The following DCC variants were observed in gnomAD, a reference collection of about 807,000 sequenced individuals.
DCC encodes netrin receptor DCC.
DCC carries 58 observed loss-of-function variants against 172.5 expected under a neutral mutation model. The ratio of observed to expected loss-of-function variants is 0.34; its 90% CI spans 0.27 to 0.42. DCC has a LOEUF of 0.42. Ranked by LOEUF, DCC falls within the 10% of genes least tolerant of loss-of-function variation. The pLI is 1.00. For missense variants in DCC, 1,740 were observed against 1,791.0 expected, an observed-to-expected ratio of 0.97 and a Z score of 0.51; for synonymous variants, 709 against 644.5, an observed-to-expected ratio of 1.10 and a Z score of -1.52.
At position 52,366,365 on chromosome 18, in the gene DCC, G is replaced by C. The variant is rs142667150; in HGVS notation, c.91+25487G>C. Among the ~76,000 whole-genome samples the C allele has an allele frequency of 1.3e-3, 205 of 152,218 alleles. 4 individuals are homozygous for C. The highest frequency in any genetic ancestry group is 0.013 in the East Asian group (69 of 5,164). On this transcript the variant is annotated intron_variant, in intron 1 of 28. Transcript: ENST00000442544. ...GCTTCCACAGTGTGCAAGGGGACCC[G>C]AGCGGGTTGCCAATGCTGGCTCGGG...
intron 8 of DCC, 35 bp from the exon 9 acceptor site, chr18:53,178,927 T>G: frequency 1.2e-6 from 2 of 1,613,406 alleles, no homozygotes; most frequent in Non-Finnish European, 1.7e-6. Context: ...GTATTCTTTT[T>G]GGAATAATCT....
chr18:53,040,503 G>T (rs2042155133), intron 5 of DCC, among the ~76,000 whole-genome samples: 1 of 151,950 alleles, frequency 6.6e-6, no homozygotes, highest in Non-Finnish European at 1.5e-5. Flanking sequence ...TGAATCCAAG[G>T]ATTCTGCATG....
At chr18:52,710,050 G>A (rs914249015) in intron 1 of DCC, among the ~76,000 whole-genome samples, 1 of 152,162 alleles carries the variant, frequency 6.6e-6, no homozygotes, top group Admixed American at 6.5e-5. Flanking sequence ...ATTTTTTAAA[G>A]GTCTTAAAAG....
chr18:52,996,597 G>A (rs2041483642), intron 5 of DCC, among the ~76,000 whole-genome samples: 1 of 151,908 alleles, frequency 6.6e-6, no homozygotes, highest in African/African-American at 2.4e-5. Flanking sequence ...TTGTGTTGCA[G>A]TCACTGATAA....
intron 5 of DCC, among the ~76,000 whole-genome samples, chr18:52,969,764 A>G (rs996626187): frequency 6.6e-6 from 1 of 152,156 alleles, no homozygotes; most frequent in Non-Finnish European, 1.5e-5. Flanking sequence ...TTTAAATTAG[A>G]TGAATTATAT....
intron 2 of DCC, among the ~76,000 whole-genome samples, chr18:52,822,456 T>C (rs1057358006): frequency 3.3e-5 from 5 of 152,262 alleles, no homozygotes; most frequent in Non-Finnish European, 7.3e-5. Flanking sequence ...ATAGCTGAGC[T>C]GAGAGGCCTT....
chr18:53,249,448 A>G (rs1337590917), intron 12 of DCC, among the ~76,000 whole-genome samples: 1 of 151,900 alleles, frequency 6.6e-6, no homozygotes, highest in Non-Finnish European at 1.5e-5. Context: ...ATCAAGGGCT[A>G]TGTCTACGAC....
chr18:52,717,531 A>C (rs1321102476), intron 1 of DCC, among the ~76,000 whole-genome samples: 9 of 150,260 alleles, frequency 6.0e-5, no homozygotes. Context: ...CTGTGGCAGC[A>C]GATACTAACA....
intron 22 of DCC, among the ~76,000 whole-genome samples, chr18:53,444,388 G>A (rs911734926): frequency 1.2e-4 from 18 of 152,180 alleles, no homozygotes; most frequent in Middle Eastern, 3.4e-3. Flanking sequence ...CTGAAAATAC[G>A]AAAAGGAACC....
At chr18:52,489,750 A>T (rs2030410242) in intron 1 of DCC, among the ~76,000 whole-genome samples, 2 of 152,136 alleles carry the variant, frequency 1.3e-5, no homozygotes, top group South Asian at 4.1e-4. Flanking sequence ...TGTCCTAGAC[A>T]GGACTCACAG....
chr18:52,540,419 C>G (rs76911533), intron 1 of DCC, among the ~76,000 whole-genome samples: 3,040 of 151,594 alleles, frequency 0.02, 108 homozygotes, highest in East Asian at 0.095. Flanking sequence ...AGAGCAAGAC[C>G]CTGACTCAAA....
chr18:52,355,741 A>G (rs1413401227), intron 1 of DCC, among the ~76,000 whole-genome samples: 1 of 152,206 alleles, frequency 6.6e-6, no homozygotes, highest in Admixed American at 6.5e-5. Flanking sequence ...TGTAAGAAAA[A>G]AAAAGGTGAC....
intron 1 of DCC, among the ~76,000 whole-genome samples, chr18:52,636,218 A>G (rs900908081): frequency 2.6e-4 from 39 of 152,310 alleles, no homozygotes; most frequent in Admixed American, 6.5e-4. Context: ...GGAGCAGGCC[A>G]TTCCTGCTTG....
At position 52,752,522 on chromosome 18, in the gene DCC, G is replaced by A; in HGVS notation, c.412+148G>A. The A allele has an allele frequency of 4.3e-6, 3 of 699,256 alleles. No homozygotes were observed. In the South Asian group the frequency reaches 5.2e-5, roughly 12 times the overall value. The allele number at this position is 699,256 out of a possible 1,614,324, so 43.3% of individuals were successfully genotyped here. A position where few individuals can be genotyped will look rare whatever the true frequency, so the allele number is the denominator to read the frequency against. On this transcript the variant is annotated intron_variant, in intron 2 of 28. Coordinates refer to ENST00000442544, the MANE Select transcript of DCC (RefSeq NM_005215.4). ...TTGACAAGTAATTATATATTTTTAT[G>A]AAGTACAATGTCATGTTTTGATGTA...
intron 1 of DCC, among the ~76,000 whole-genome samples, chr18:52,495,886 C>G (rs1440304487): frequency 1.3e-5 from 2 of 151,738 alleles, no homozygotes; most frequent in African/African-American, 2.4e-5. Flanking sequence ...CCGATGCAAT[C>G]TTGGCCAAAG....
At chr18:52,467,547 CT>C (rs1483034634) in intron 1 of DCC, among the ~76,000 whole-genome samples, 2 of 152,072 alleles carry the variant, frequency 1.3e-5, no homozygotes, top group African/African-American at 2.4e-5. Flanking sequence ...ATTTATAATC[CT>C]TTGGGTATAT....
chr18:52,715,395 G>A (rs546030243), intron 1 of DCC, among the ~76,000 whole-genome samples: 101 of 151,368 alleles, frequency 6.7e-4, no homozygotes, highest in Admixed American at 1.2e-3. Flanking sequence ...CACCTCCTGG[G>A]GTCAAGTGAT....
intron 23 of DCC, among the ~76,000 whole-genome samples, chr18:53,458,528 A>G (rs2045510778): frequency 6.6e-6 from 1 of 152,250 alleles, no homozygotes; most frequent in Non-Finnish European, 1.5e-5. Context: ...ACTAGCCTCA[A>G]GAAGAGATTA....
At position 53,196,518 on chromosome 18, in the gene DCC, C is replaced by T. The variant is rs564131105; in HGVS notation, c.1574-8698C>T. ...CTTTATTATCCAACTGTTTCCAGTTCTAGGTTGAATTACAAGAAATCTGCT... is the reference window on the plus strand; with the variant it reads ...CTTTATTATCCAACTGTTTCCAGTTTTAGGTTGAATTACAAGAAATCTGCT... On this transcript the variant is annotated intron_variant, in intron 9 of 28. Coordinates refer to ENST00000442544, the MANE Select transcript of DCC (RefSeq NM_005215.4). Among the ~76,000 whole-genome samples the T allele has an allele frequency of 5.9e-5, 9 of 152,196 alleles. No individual in the cohort carries two copies. The East Asian group carries it at 1.7e-3, about 29-fold the overall frequency.
Sources: allele counts gnomAD v4.1 joint callset (sites outside exome capture counted in the v4.1 genomes callset), GRCh38; gene constraint gnomAD v4.1.1; transcripts MANE v1.5; gene names NCBI Gene and HGNC (gene_info 2026-07-23, HGNC 2026-07-21).